CYP39A1: variants seen among roughly 807,000 people sequenced by gnomAD.
The protein encoded by CYP39A1 is 24-hydroxycholesterol 7-alpha-hydroxylase.
A neutral mutation model predicts 58.1 loss-of-function variants in CYP39A1; 49 were observed. The ratio of observed to expected loss-of-function variants is 0.84; its 90% CI spans 0.67 to 1.07. CYP39A1 has a LOEUF of 1.07. Ranked by LOEUF, CYP39A1 falls within the 50% of genes least tolerant of loss-of-function variation. The probability of loss-of-function intolerance (pLI) is 0.00; values close to 1 mark genes in which losing one functional copy is unlikely to be tolerated. For missense variants in CYP39A1, 531 were observed against 539.4 expected, an observed-to-expected ratio of 0.98 and a Z score of 0.16; for synonymous variants, 209 against 187.6, an observed-to-expected ratio of 1.11 and a Z score of -0.93.
intron 1 of CYP39A1, among the ~76,000 whole-genome samples, chr6:46,647,013 T>C (rs892967865): frequency 6.7e-6 from 1 of 149,070 alleles, no homozygotes; most frequent in Non-Finnish European, 1.5e-5. Flanking sequence ...TTTTCCTTAT[T>C]TTTTTTTTTA....
intron 7 of CYP39A1, among the ~76,000 whole-genome samples, chr6:46,622,082 A>G (rs966474537): frequency 2.0e-5 from 3 of 152,114 alleles, no homozygotes; most frequent in African/African-American, 7.2e-5. Context: ...AAAGGACCAC[A>G]TATCATATGT....
At chr6:46,597,266 T>G (rs1773224651) in intron 7 of CYP39A1, among the ~76,000 whole-genome samples, 1 of 152,088 alleles carries the variant, frequency 6.6e-6, no homozygotes, top group African/African-American at 2.4e-5. Flanking sequence ...TGTACCAGTA[T>G]TACAATAACT....
Position 46,615,384 on chromosome 6 carries a change from G to A in CYP39A1, c.931+10034C>T, listed in dbSNP as rs145042711. 4.2e-3 allele frequency among the ~76,000 whole-genome samples: 631 copies of A among 151,790 alleles called. 5 individuals are homozygous for A. The highest frequency in any genetic ancestry group is 0.014 in the African/African-American group (599 of 41,410). On this transcript the variant is annotated intron_variant, in intron 7 of 11. Transcript: ENST00000275016. ...CAAATACACTCCTTGTCTATTCCCA[G>A]GCTAGTGACCCCTCGCTTAAAGACT...
At chr6:46,642,410 G>T in intron 1 of CYP39A1, 112 bp from the exon 2 acceptor site, 1 of 1,017,094 alleles carries the variant, frequency 9.8e-7, no homozygotes. Flanking sequence ...AAATTATTAT[G>T]ATTATATTTG....
At chr6:46,607,366 A>AC (rs1266319449) in intron 7 of CYP39A1, among the ~76,000 whole-genome samples, 2 of 151,248 alleles carry the variant, frequency 1.3e-5, no homozygotes, top group African/African-American at 4.8e-5. Context: ...TTGGGCTTAA[A>AC]AAAAAAAAAA....
chr6:46,589,504 T>G (rs1322438480), intron 8 of CYP39A1, among the ~76,000 whole-genome samples: 6 of 151,872 alleles, frequency 4.0e-5, no homozygotes, highest in Non-Finnish European at 8.8e-5. Flanking sequence ...GGAGTATGGG[T>G]AGGGATGTCA....
At chr6:46,618,202 T>C (rs145557676) in intron 7 of CYP39A1, among the ~76,000 whole-genome samples, 2 of 152,270 alleles carry the variant, frequency 1.3e-5, no homozygotes, top group African/African-American at 2.4e-5. Context: ...ACATGTGTTA[T>C]ATCCTTCTAA....
intron 7 of CYP39A1, among the ~76,000 whole-genome samples, chr6:46,600,993 C>A (rs1001746738): frequency 2.0e-5 from 3 of 152,096 alleles, no homozygotes; most frequent in African/African-American, 7.2e-5. Context: ...TCTTGCGGGA[C>A]TGAGCCCCTA....
intron 10 of CYP39A1, among the ~76,000 whole-genome samples, chr6:46,572,518 C>A (rs1771646658): frequency 6.6e-6 from 1 of 152,138 alleles, no homozygotes; most frequent in Admixed American, 6.5e-5. Context: ...TGAAGTTTCT[C>A]CTGAAAAGTC....
chr6:46,582,559 TG>T (rs1454006023), intron 10 of CYP39A1, among the ~76,000 whole-genome samples: 1 of 152,176 alleles, frequency 6.6e-6, no homozygotes, highest in Admixed American at 6.6e-5. Flanking sequence ...TCTTTTATGT[TG>T]TTTACTGATT....
chr6:46,643,169 A>AT (rs900938338), intron 1 of CYP39A1, among the ~76,000 whole-genome samples: 4 of 152,174 alleles, frequency 2.6e-5, no homozygotes, highest in African/African-American at 7.2e-5. Context: ...AAAAGTCATC[A>AT]TTTTTATTGG....
chr6:46,627,543 C>A (rs781643474), intron 6 of CYP39A1, among the ~76,000 whole-genome samples: 3 of 151,906 alleles, frequency 2.0e-5, no homozygotes. Flanking sequence ...CTCAGCCTTC[C>A]GAGTAGCTGG....
At chr6:46,601,614 C>T (rs1006139797) in intron 7 of CYP39A1, among the ~76,000 whole-genome samples, 3 of 151,804 alleles carry the variant, frequency 2.0e-5, no homozygotes, top group African/African-American at 7.3e-5. Flanking sequence ...AGTGTTAATA[C>T]GTGTAAAGCG....
intron 7 of CYP39A1, among the ~76,000 whole-genome samples, chr6:46,603,157 C>A (rs1366882498): frequency 6.6e-6 from 1 of 152,104 alleles, no homozygotes; most frequent in Non-Finnish European, 1.5e-5. Context: ...GGCCAACAGA[C>A]CAAATCCAGC....
At chr6:46,593,152 T>G (rs1185926596) in intron 8 of CYP39A1, among the ~76,000 whole-genome samples, 1 of 152,170 alleles carries the variant, frequency 6.6e-6, no homozygotes, top group Non-Finnish European at 1.5e-5. Flanking sequence ...AACTTTGGTT[T>G]CTATATTAAT....
At chr6:46,630,296 G>A (rs1775575293) in intron 6 of CYP39A1, among the ~76,000 whole-genome samples, 1 of 152,084 alleles carries the variant, frequency 6.6e-6, no homozygotes, top group African/African-American at 2.4e-5. Flanking sequence ...TGGAGAGAAA[G>A]AGCTAATATT....
chr6:46,637,097 T>G (rs1395925684), intron 4 of CYP39A1, among the ~76,000 whole-genome samples: 1 of 152,050 alleles, frequency 6.6e-6, no homozygotes, highest in Non-Finnish European at 1.5e-5. Context: ...TTTTACCACA[T>G]GAGAATGCAG....
chr6:46,629,329 A>G (rs1472988754), intron 6 of CYP39A1, among the ~76,000 whole-genome samples: 1 of 152,188 alleles, frequency 6.6e-6, no homozygotes, highest in East Asian at 1.9e-4. Flanking sequence ...TTGAAAAATA[A>G]TTCTTTGACA....
At chr6:46,624,188 C>T (rs1317444057) in intron 7 of CYP39A1, among the ~76,000 whole-genome samples, 1 of 152,150 alleles carries the variant, frequency 6.6e-6, no homozygotes, top group Non-Finnish European at 1.5e-5. Flanking sequence ...CCCCTCTCTA[C>T]TCTTTTATTT....
Sources: allele counts gnomAD v4.1 joint callset (sites outside exome capture counted in the v4.1 genomes callset), GRCh38; gene constraint gnomAD v4.1.1; transcripts MANE v1.5; gene names NCBI Gene and HGNC (gene_info 2026-07-23, HGNC 2026-07-21).